The following LINGO2 variants were observed in gnomAD, a reference collection of about 807,000 sequenced individuals.
LINGO2 encodes leucine-rich repeat and immunoglobulin-like domain-containing nogo receptor-interacting protein 2.
A neutral mutation model predicts 30.6 loss-of-function variants in LINGO2; 14 were observed. The ratio of observed to expected loss-of-function variants is 0.46; its 90% CI spans 0.30 to 0.72. LINGO2 has a LOEUF of 0.72. LINGO2 is among the 30% of genes least tolerant of loss of function. The pLI is 0.07. For synonymous variants in LINGO2, 317 were observed against 288.5 expected (o/e 1.10, Z -1.00); for missense variants, 729 against 751.7 (o/e 0.97, Z 0.35).
intron 3 of LINGO2, among the ~76,000 whole-genome samples, chr9:28,326,659 A>G (rs971527748): frequency 1.3e-5 from 2 of 152,240 alleles, no homozygotes; most frequent in African/African-American, 4.8e-5. Flanking sequence ...AGAACATAGC[A>G]CAGTGCTCTA....
At chr9:28,357,460 G>A (rs1364689117) in intron 3 of LINGO2, among the ~76,000 whole-genome samples, 1 of 151,822 alleles carries the variant, frequency 6.6e-6, no homozygotes, top group Admixed American at 6.6e-5. Context: ...ACTCATCATA[G>A]ACATGTTGGT....
At chr9:28,304,246 ATG>A (rs916273955) in intron 3 of LINGO2, among the ~76,000 whole-genome samples, 2 of 148,300 alleles carry the variant, frequency 1.3e-5, no homozygotes, top group East Asian at 2.0e-4. Context: ...AAAATTTAAA[ATG>A]TATATATATA....
chr9:28,685,977 A>ATGTGTGTGTG, the LINGO2 span, among the ~76,000 whole-genome samples: 106 of 145,684 alleles, frequency 7.3e-4, no homozygotes, highest in Admixed American at 2.2e-3. Context: ...AACATATATG[A>ATGTGTGTGTG]TGTGTGTGTG....
intron 1 of LINGO2, among the ~76,000 whole-genome samples, chr9:28,574,847 T>A (rs963720347): frequency 4.6e-5 from 7 of 152,200 alleles, no homozygotes; most frequent in Admixed American, 1.3e-4. Flanking sequence ...GGCTTCTCAC[T>A]CTCATTTTAA....
rs192612870 is a variant in LINGO2, at chr9:28,486,122, A to G, written c.-364-10097T>C. 4.5e-3 allele frequency among the ~76,000 whole-genome samples: 687 copies of G among 152,232 alleles called. 5 individuals carry two copies. Among genetic ancestry groups the G allele is most frequent in the Non-Finnish European group, 6.4e-3 (435 of 68,010 alleles). On this transcript the variant is annotated intron_variant, in intron 1 of 5. Transcript: ENST00000379992. ...AGACATCAATTTAGTATGGATGAGG[A>G]GAGCTGAGGATATCCTTCTAATGCT...
the LINGO2 span, among the ~76,000 whole-genome samples, chr9:28,726,743 A>T: frequency 6.6e-6 from 1 of 152,216 alleles, no homozygotes; most frequent in Non-Finnish European, 1.5e-5. Context: ...AAGACAATAG[A>T]TGTAGTGTAA....
At chr9:29,066,184 T>C in the LINGO2 span, among the ~76,000 whole-genome samples, 1 of 151,740 alleles carries the variant, frequency 6.6e-6, no homozygotes, top group Non-Finnish European at 1.5e-5. Context: ...TAATTCTAAA[T>C]CCCAAATTGA....
At chr9:28,931,371 C>A in the LINGO2 span, among the ~76,000 whole-genome samples, 1 of 152,294 alleles carries the variant, frequency 6.6e-6, no homozygotes, top group African/African-American at 2.4e-5. Context: ...TGCTTAGGAG[C>A]TTGTTTTACA....
chr9:28,620,708 T>A, intron 1 of LINGO2, among the ~76,000 whole-genome samples: 1 of 152,008 alleles, frequency 6.6e-6, no homozygotes. Flanking sequence ...CCATTATCCT[T>A]AGCAAACTAA....
chr9:28,773,048 G>C, the LINGO2 span, among the ~76,000 whole-genome samples: 2 of 152,078 alleles, frequency 1.3e-5, no homozygotes, highest in Admixed American at 6.5e-5. Flanking sequence ...AGTTAGGTTA[G>C]ACACAAATGT....
chr9:29,151,443 A>G, the LINGO2 span, among the ~76,000 whole-genome samples: 8 of 152,184 alleles, frequency 5.3e-5, no homozygotes, highest in Non-Finnish European at 7.3e-5. Flanking sequence ...CCCCACTTAA[A>G]AGGAATAAAG....
At chr9:28,472,863 T>C (rs1041432570) in intron 2 of LINGO2, among the ~76,000 whole-genome samples, 1 of 152,166 alleles carries the variant, frequency 6.6e-6, no homozygotes, top group Non-Finnish European at 1.5e-5. Context: ...GATATCATTC[T>C]TCTGTAACAT....
intron 1 of LINGO2, among the ~76,000 whole-genome samples, chr9:28,512,306 G>C (rs1820419861): frequency 6.6e-6 from 1 of 151,858 alleles, no homozygotes; most frequent in Non-Finnish European, 1.5e-5. Flanking sequence ...CTCTCAAAAG[G>C]AGAGTAGTTA....
intron 2 of LINGO2, among the ~76,000 whole-genome samples, chr9:28,387,685 G>GT (rs1349474827): frequency 1.3e-5 from 2 of 152,148 alleles, no homozygotes; most frequent in Non-Finnish European, 2.9e-5. Context: ...TTTAAGAGCT[G>GT]TAACACTCAC....
chr9:29,119,631 G>T, the LINGO2 span, among the ~76,000 whole-genome samples: 2 of 135,556 alleles, frequency 1.5e-5, no homozygotes, highest in Admixed American at 1.6e-4. Context: ...TGTTGCCCAG[G>T]CTAGAGTGCA....
the LINGO2 span, among the ~76,000 whole-genome samples, chr9:28,732,658 G>A: frequency 6.6e-6 from 1 of 152,114 alleles, no homozygotes; most frequent in South Asian, 2.1e-4. Context: ...AAAATTCAAT[G>A]CATGTATTAA....
the LINGO2 span, among the ~76,000 whole-genome samples, chr9:29,045,596 A>C: frequency 2.0e-5 from 3 of 150,494 alleles, no homozygotes; most frequent in Admixed American, 6.7e-5. Context: ...AAAAAAAAAA[A>C]CCCTCGAAAA....
intron 5 of LINGO2, among the ~76,000 whole-genome samples, chr9:27,986,686 C>G (rs1195081594): frequency 6.6e-6 from 1 of 151,848 alleles, no homozygotes; most frequent in Non-Finnish European, 1.5e-5. Flanking sequence ...AGGGAAAGTG[C>G]TCGTCCCTCC....
At chr9:28,478,003 G>T (rs535062524) in intron 1 of LINGO2, among the ~76,000 whole-genome samples, 1 of 152,218 alleles carries the variant, frequency 6.6e-6, no homozygotes, top group South Asian at 2.1e-4. Flanking sequence ...AAGGCTCTGA[G>T]ACTGGATACT....
Sources: allele counts gnomAD v4.1 joint callset (sites outside exome capture counted in the v4.1 genomes callset), GRCh38; gene constraint gnomAD v4.1.1; transcripts MANE v1.5; gene names NCBI Gene and HGNC (gene_info 2026-07-23, HGNC 2026-07-21).